The following PCDHA7 variants were observed in gnomAD, a reference collection of about 807,000 sequenced individuals.
PCDHA7 encodes the protein protocadherin alpha-7.
Under a neutral mutation model 57.2 loss-of-function variants are expected in PCDHA7, and 37 were observed. The observed-to-expected ratio is 0.65, with a 90% CI of 0.50 to 0.85. PCDHA7 has a LOEUF of 0.85. Ranked by LOEUF, PCDHA7 falls within the 40% of genes least tolerant of loss-of-function variation. PCDHA7 has a pLI of 0.00. For synonymous variants in PCDHA7, 553 were observed against 558.8 expected, an observed-to-expected ratio of 0.99 and a Z score of 0.15; for missense variants, 1,188 against 1,241.8, an observed-to-expected ratio of 0.96 and a Z score of 0.65.
chr5:140,870,880 G>A (rs782304708), intron 1 of PCDHA7: 1 of 1,613,948 alleles, frequency 6.2e-7, no homozygotes, highest in African/African-American at 1.3e-5. Flanking sequence ...GGTGGCGAAG[G>A]TGCGCGCAGT....
rs2150329918 is a variant in PCDHA7, at chr5:140,842,127, C to G, written c.2355+5389C>G. 7.9e-5 allele frequency: 127 copies of G among 1,612,886 alleles called. 5 individuals carry two copies. The South Asian group carries it at 8.9e-4, about 11-fold the overall frequency. ...GTTATCAAACTGAATGCTTCTGATC[C>G]GGATGAAGGAGCCAATGGGGCAATT... On this transcript the variant is annotated intron_variant, in intron 1 of 3. Coordinates refer to ENST00000525929, the MANE Select transcript of PCDHA7 (RefSeq NM_018910.3).
intron 1 of PCDHA7, among the ~76,000 whole-genome samples, chr5:140,912,281 A>G (rs571303094): frequency 3.3e-5 from 5 of 152,200 alleles, no homozygotes; most frequent in Non-Finnish European, 7.4e-5. Context: ...ATACCCAGGA[A>G]CAATACTTTG....
At chr5:140,968,317 A>T (rs144335538) in intron 1 of PCDHA7, 17,308 of 1,614,002 alleles carry the variant, frequency 0.011, 130 homozygotes, top group Non-Finnish European at 0.013. Flanking sequence ...AAGGGCTGCC[A>T]GTCACCTCCT....
chr5:140,986,401 C>T (rs782437347), intron 3 of PCDHA7, among the ~76,000 whole-genome samples: 1 of 152,172 alleles, frequency 6.6e-6, no homozygotes. Context: ...GCCAGTCGCT[C>T]ATGTTACAGC....
chr5:140,850,864 C>T, intron 1 of PCDHA7: 1 of 1,593,486 alleles, frequency 6.3e-7, no homozygotes, highest in Non-Finnish European at 8.6e-7. Context: ...GGAGAACCCT[C>T]TGCTTCCTCA....
At chr5:140,979,408 GT>G (rs558051720) in intron 2 of PCDHA7, among the ~76,000 whole-genome samples, 17 of 147,706 alleles carry the variant, frequency 1.2e-4, no homozygotes, top group East Asian at 4.0e-4. Flanking sequence ...TGTCTACCTT[GT>G]TTTTTTTTTA....
At chr5:140,951,034 A>G (rs1407307131) in intron 1 of PCDHA7, among the ~76,000 whole-genome samples, 1 of 151,932 alleles carries the variant, frequency 6.6e-6, no homozygotes, top group African/African-American at 2.4e-5. Context: ...TTAATTTCAA[A>G]TATTATATTT....
chr5:140,981,917 A>G (rs1465971302), intron 2 of PCDHA7, among the ~76,000 whole-genome samples: 1 of 152,218 alleles, frequency 6.6e-6, no homozygotes, highest in Non-Finnish European at 1.5e-5. Flanking sequence ...GTGGTGATCA[A>G]GTTTCTCTAG....
At position 140,871,191 on chromosome 5, in the gene PCDHA7, C is replaced by A. The variant is rs370303558; in HGVS notation, c.2355+34453C>A. The A allele has an allele frequency of 2.4e-5, 38 of 1,613,538 alleles. No individual in the cohort carries two copies. The African/African-American group carries it at 4.4e-4, about 19-fold the overall frequency. ...CAGAGGCTGCGCTGGTGGATGTCAA[C>A]GTGTACCTGATCATCGCCATCTGCG... On this transcript the variant is annotated intron_variant, in intron 1 of 3. Transcript: ENST00000525929.
At chr5:140,940,611 C>T (rs782735444) in intron 1 of PCDHA7, among the ~76,000 whole-genome samples, 1 of 152,144 alleles carries the variant, frequency 6.6e-6, no homozygotes. Flanking sequence ...CTGCTCCTGG[C>T]TCCTGCAAAT....
rs1256665914 is a variant in PCDHA7 at position 140,917,331 on chromosome 5, G to A, written c.2356-61618G>A. On this transcript the variant is annotated intron_variant, in intron 1 of 3. Transcript: ENST00000525929. ...AATTTGGTGTTCATGTGGCGGGGGA[G>A]GGGGGGGATGGTGTAGGCTTCTGTT... Among the ~76,000 whole-genome samples the A allele has an allele frequency of 5.8e-5, 8 of 137,654 alleles. 1 individual carries two copies. The East Asian group carries it at 6.7e-4, about 12-fold the overall frequency. 90.3% of individuals were successfully genotyped at this position (137,654 alleles called of 152,430 possible).
chr5:140,891,637 G>A (rs1245368138), intron 1 of PCDHA7, among the ~76,000 whole-genome samples: 1 of 151,912 alleles, frequency 6.6e-6, no homozygotes, highest in East Asian at 1.9e-4. Context: ...TGCTCTTTGG[G>A]CTTTATTGTG....
intron 1 of PCDHA7, among the ~76,000 whole-genome samples, chr5:140,839,584 CT>C (rs1237796320): frequency 6.6e-6 from 1 of 151,868 alleles, no homozygotes; most frequent in Non-Finnish European, 1.5e-5. Flanking sequence ...GAGATGGGGT[CT>C]TACCATGTTG....
At chr5:140,887,048 A>G (rs997240150) in intron 1 of PCDHA7, among the ~76,000 whole-genome samples, 21 of 152,068 alleles carry the variant, frequency 1.4e-4, no homozygotes, top group Admixed American at 1.4e-3. Context: ...TTTATAGTGC[A>G]TATGTTCTGG....
intron 1 of PCDHA7, among the ~76,000 whole-genome samples, chr5:140,898,068 C>A (rs1420706890): frequency 8.5e-5 from 13 of 152,050 alleles, no homozygotes; most frequent in African/African-American, 2.7e-4. Context: ...TGTTTGAGTT[C>A]ATTGTAGATT....
intron 1 of PCDHA7, among the ~76,000 whole-genome samples, chr5:140,902,447 G>A (rs1004773008): frequency 2.6e-5 from 4 of 152,024 alleles, no homozygotes; most frequent in Non-Finnish European, 4.4e-5. Flanking sequence ...TCATATTCTA[G>A]ATCCTAGAGA....
intron 3 of PCDHA7, among the ~76,000 whole-genome samples, chr5:141,006,247 T>C (rs1554260651): frequency 2.0e-5 from 3 of 152,126 alleles, no homozygotes; most frequent in Non-Finnish European, 2.9e-5. Context: ...AGTCTTGCTC[T>C]GTTGCCCAGG....
intron 1 of PCDHA7, chr5:140,862,942 G>C (rs75462656): frequency 5.5e-6 from 3 of 542,062 alleles, no homozygotes; most frequent in Admixed American, 3.9e-5. Flanking sequence ...CTGTGAGTGA[G>C]CTGGTGCGGT....
intron 1 of PCDHA7, chr5:140,841,224 A>G: frequency 6.9e-7 from 1 of 1,450,532 alleles, no homozygotes; most frequent in South Asian, 1.4e-5. Context: ...AGGCCGAACA[A>G]CGGGAGATGC....
Sources: allele counts gnomAD v4.1 joint callset (sites outside exome capture counted in the v4.1 genomes callset), GRCh38; gene constraint gnomAD v4.1.1; transcripts MANE v1.5; gene names NCBI Gene and HGNC (gene_info 2026-07-23, HGNC 2026-07-21).